The following POLN variants were observed in gnomAD, a reference collection of about 807,000 sequenced individuals.
The protein encoded by POLN is DNA polymerase N.
Under a neutral mutation model 113.5 loss-of-function variants are expected in POLN, and 108 were observed. The observed-to-expected ratio is 0.95, with a 90% CI of 0.81 to 1.12. POLN has a LOEUF of 1.12. POLN is among the 50% of genes most tolerant of loss of function. The pLI, the probability that POLN is intolerant of heterozygous loss-of-function variation, is 0.00. For synonymous variants in POLN, 386 were observed against 391.5 expected (o/e 0.99, Z 0.17); for missense variants, 1,097 against 1,077.1 (o/e 1.02, Z -0.26).
Position 2,088,812 on chromosome 4 carries a change from C to A in POLN, c.2066-3068G>T. ...ATTATCGCTACAAGAGGACTTATTT[C>A]TTTGTCCTTTACATCTTGAACTTGT... On this transcript the variant is annotated intron_variant, in intron 20 of 25. Transcript: ENST00000511885. 4 of 1,417,528 alleles carry A rather than the reference C, an allele frequency of 2.8e-6. No homozygotes were observed. In the South Asian group the frequency reaches 5.1e-5, roughly 18 times the overall value. The allele number at this position is 1,417,528 out of a possible 1,614,324, so 87.8% of individuals were successfully genotyped here.
chr4:2,103,662 C>G (rs1187349410), intron 19 of POLN, among the ~76,000 whole-genome samples: 2 of 152,152 alleles, frequency 1.3e-5, no homozygotes, highest in African/African-American at 2.4e-5. Flanking sequence ...TATAATCAGA[C>G]CGTCTAAAGT....
In POLN at chr4:2,171,138, C is replaced by T. The variant is rs1158816650; in HGVS notation, c.1418G>A (p.Gly473Glu). 2 of 1,613,646 alleles carry T rather than the reference C, an allele frequency of 1.2e-6. No homozygotes were observed. The highest frequency in any genetic ancestry group is 2.2e-5 in the East Asian group (1 of 44,870). Residue 473 changes from glycine to glutamate, a missense_variant, in exon 12 of 26, where the codon GGA becomes GAA. Transcript: ENST00000511885. ...ELEQEAHFVAGERFLITSNNQ... is the reference protein window; with the variant it reads ...ELEQEAHFVAEERFLITSNNQ... ...ATTGCTCGTTATAAGAAACCGTTCT[C>T]CTGCAACAAAATGAGCTTCTTGCTC...
intron 16 of POLN, among the ~76,000 whole-genome samples, chr4:2,137,832 T>C (rs1257324404): frequency 6.6e-6 from 1 of 152,040 alleles, no homozygotes; most frequent in Non-Finnish European, 1.5e-5. Flanking sequence ...GAGGTGTTTC[T>C]TCGGTCGGGG....
At chr4:2,118,532 C>T (rs1025839093) in intron 19 of POLN, among the ~76,000 whole-genome samples, 8 of 152,172 alleles carry the variant, frequency 5.3e-5, no homozygotes, top group African/African-American at 1.4e-4. Context: ...TGCCTAAAGC[C>T]GCAAGCTCAT....
intron 2 of POLN, chr4:2,239,042 G>A: frequency 6.8e-7 from 1 of 1,479,988 alleles, no homozygotes. Context: ...TTTGTCCACA[G>A]CCTATACAAA....
chr4:2,139,375 T>C (rs1731941288), intron 16 of POLN, among the ~76,000 whole-genome samples: 1 of 152,242 alleles, frequency 6.6e-6, no homozygotes, highest in Admixed American at 6.5e-5. Flanking sequence ...TTGGCCCTGA[T>C]AATCCATTTT....
rs140869775 is a variant in POLN at position 2,198,639 on chromosome 4, G to A, written c.793C>T (p.Pro265Ser). 4,111 of 1,613,722 alleles carry A rather than the reference G, an allele frequency of 2.5e-3. 9 individuals carry two copies. Among genetic ancestry groups the A allele is most frequent in the Non-Finnish European group, 3.0e-3 (3,525 of 1,179,934 alleles). ...CCCTCCAGAACAGGACCACAGGCCGGGGCATCTGGACAGCCATGGCCACCC... is the reference window on the plus strand; with the variant it reads ...CCCTCCAGAACAGGACCACAGGCCGAGGCATCTGGACAGCCATGGCCACCC... ...AEGGHGCPDA[P>S]ACGPVLEGFV... Residue 265 changes from proline (P) to serine (S), a missense_variant, in exon 6 of 26, where the codon CCG (proline) becomes TCG (serine). Transcript: ENST00000511885.
Position 2,157,889 on chromosome 4 carries a change from A to C in POLN, c.1634T>G (p.Phe545Cys), listed in dbSNP as rs1206463301. The change falls in exon 15 of 26, where the codon TTT becomes TGT. Residue 545 changes from phenylalanine (F) to cysteine (C), a missense_variant. Phe to Cys is a radical substitution (Grantham distance 205). Transcript: ENST00000511885. ...CATGCAAGCTAGTAATCCATCTACA[A>C]AGGTTGACTTGATCTTGTGAACCTA... ...YRQVHKIKST[F>C]VDGLLACMKK... The C allele has an allele frequency of 2.5e-6, 4 of 1,608,066 alleles. No individual in the cohort carries two copies. The East Asian group carries it at 8.9e-5, about 36-fold the overall frequency.
chr4:2,131,362 T>C, intron 16 of POLN, 72 bp from the exon 17 acceptor site: 2 of 993,226 alleles, frequency 2.0e-6, no homozygotes, highest in Non-Finnish European at 3.0e-6. Flanking sequence ...GTATTTAATG[T>C]ACATCACATT....
intron 4 of POLN, among the ~76,000 whole-genome samples, chr4:2,208,723 C>T (rs559355171): frequency 3.9e-5 from 6 of 152,170 alleles, no homozygotes; most frequent in Non-Finnish European, 7.3e-5. Context: ...GGCGTGGTGG[C>T]TCACGCCTGT....
chr4:2,233,251 T>C (rs1734646866), intron 2 of POLN, among the ~76,000 whole-genome samples: 1 of 152,184 alleles, frequency 6.6e-6, no homozygotes, highest in Non-Finnish European at 1.5e-5. Context: ...TTCAATTAAA[T>C]ACTAAAGATC....
intron 16 of POLN, among the ~76,000 whole-genome samples, chr4:2,144,143 CTT>C (rs955583573): frequency 7.9e-5 from 10 of 126,956 alleles, no homozygotes; most frequent in African/African-American, 1.1e-4. Context: ...AAAATTTGTT[CTT>C]TTTTTTTTTT....
At chr4:2,192,135 ATT>A (rs1733466542) in intron 7 of POLN, among the ~76,000 whole-genome samples, 3 of 151,080 alleles carry the variant, frequency 2.0e-5, no homozygotes, top group African/African-American at 7.3e-5. Flanking sequence ...AAAAAAAAAA[ATT>A]GGCTGGAAAT....
chr4:2,100,983 G>A (rs902433000), intron 19 of POLN, among the ~76,000 whole-genome samples: 2 of 152,210 alleles, frequency 1.3e-5, no homozygotes, highest in African/African-American at 4.8e-5. Flanking sequence ...CAGTGGCAGT[G>A]CTGGGGCTCA....
chr4:2,161,771 C>T (rs986664384), intron 13 of POLN, among the ~76,000 whole-genome samples: 1 of 152,206 alleles, frequency 6.6e-6, no homozygotes, highest in African/African-American at 2.4e-5. Context: ...ATGTCTAGCT[C>T]AGGGGTTGTA....
At chr4:2,110,371 G>A (rs1306189022) in intron 19 of POLN, among the ~76,000 whole-genome samples, 1 of 151,960 alleles carries the variant, frequency 6.6e-6, no homozygotes, top group African/African-American at 2.4e-5. Context: ...CTAGCAGAAG[G>A]CAAGAAATAA....
At chr4:2,156,262 T>C (rs1732421108) in intron 16 of POLN, 2 of 344,686 alleles carry the variant, frequency 5.8e-6, no homozygotes, top group African/African-American at 2.1e-5. Flanking sequence ...AGGAATTTTC[T>C]ATAATGAGAA....
intron 7 of POLN, among the ~76,000 whole-genome samples, chr4:2,191,356 T>A (rs1270389577): frequency 6.6e-6 from 1 of 152,100 alleles, no homozygotes; most frequent in African/African-American, 2.4e-5. Flanking sequence ...TGGGTGGGAT[T>A]AAGAGTAGTT....
intron 3 of POLN, chr4:2,227,555 C>A (rs1414555459): frequency 6.6e-6 from 1 of 152,112 alleles, no homozygotes; most frequent in East Asian, 1.9e-4. Context: ...TTTTACAAAT[C>A]CAAGAGAGAA....
Sources: allele counts gnomAD v4.1 joint callset (sites outside exome capture counted in the v4.1 genomes callset), GRCh38; gene constraint gnomAD v4.1.1; transcripts MANE v1.5; gene names NCBI Gene and HGNC (gene_info 2026-07-23, HGNC 2026-07-21).